Variants in PFKM observed in about 807,000 individuals in gnomAD.
PFKM encodes the protein phosphofructokinase, muscle.
PFKM carries 58 observed loss-of-function variants against 95.5 expected under a neutral mutation model. The observed-to-expected ratio is 0.61, with a 90% CI of 0.49 to 0.76. The LOEUF is 0.76. PFKM is among the 30% of genes least tolerant of loss of function. The pLI is 0.00. For missense variants in PFKM, 678 were observed against 1,005.4 expected, an observed-to-expected ratio of 0.67 and a Z score of 4.40; for synonymous variants, 336 against 357.2, an observed-to-expected ratio of 0.94 and a Z score of 0.67.
intron 13 of PFKM, among the ~76,000 whole-genome samples, chr12:48,140,458 T>C (rs1317366670): frequency 6.6e-6 from 1 of 152,236 alleles, no homozygotes; most frequent in Non-Finnish European, 1.5e-5. Flanking sequence ...CTGGAAGGTC[T>C]CTCATTCATT....
intron 2 of PFKM, among the ~76,000 whole-genome samples, chr12:48,126,151 G>A (rs1020733355): frequency 2.0e-5 from 3 of 151,970 alleles, no homozygotes; most frequent in Non-Finnish European, 4.4e-5. Flanking sequence ...CTTATCCTTC[G>A]TCTTGCTTCT....
intron 3 of PFKM, among the ~76,000 whole-genome samples, chr12:48,111,004 G>A (rs1947136405): frequency 6.6e-6 from 1 of 152,144 alleles, no homozygotes; most frequent in Non-Finnish European, 1.5e-5. Context: ...TAAGAGTGTG[G>A]GACAACTACT....
chr12:48,106,461 C>T, intron 1 of PFKM: 1 of 369,062 alleles, frequency 2.7e-6, no homozygotes, highest in South Asian at 3.1e-5. Context: ...AAACCTGTGG[C>T]TTCCCCCGAC....
chr12:48,145,163 A>C lies in PFKM; in HGVS notation c.2092+33A>C. On this transcript the variant is annotated intron_variant, in intron 21 of 22. Coordinates refer to ENST00000359794, the MANE Select transcript of PFKM (RefSeq NM_000289.6). This position sits in a 1 kb window ranked among gnomAD's most constrained non-coding sequence, Gnocchi z 4.3. ...GGGTGAGAGCGAGTGCCCTCTATAG[A>C]GGCTGGTTCCCCAGTATAGAAGCTG... is the stretch of plus-strand genomic sequence containing the variant. The C allele has an allele frequency of 6.2e-7, 1 of 1,610,108 alleles. No individual in the cohort carries two copies. Among genetic ancestry groups the C allele is most frequent in the African/African-American group, 1.3e-5 (1 of 74,958 alleles).
At chr12:48,132,731 A>G (rs1949641170) in intron 4 of PFKM, 137 bp from the exon 5 acceptor site, 3 of 754,832 alleles carry the variant, frequency 4.0e-6, no homozygotes, top group African/African-American at 3.4e-5. Flanking sequence ...TTTGGAAGGG[A>G]CAGATCACTC....
intron 3 of PFKM, 109 bp downstream of exon 3, chr12:48,130,545 T>C: frequency 1.2e-6 from 1 of 867,620 alleles, no homozygotes. Flanking sequence ...GTTACATTGC[T>C]GTGTTTGATT....
upstream of PFKM, among the ~76,000 whole-genome samples, chr12:48,117,413 G>C (rs1947768355): frequency 6.6e-6 from 1 of 152,216 alleles, no homozygotes; most frequent in Admixed American, 6.5e-5. Flanking sequence ...CTGTCAAACT[G>C]TCTTCTACAG....
chr12:48,112,878 A>G (rs1947331509), intron 3 of PFKM, among the ~76,000 whole-genome samples: 1 of 152,088 alleles, frequency 6.6e-6, no homozygotes. Context: ...GGGATGGGAT[A>G]TTGGCATTGA....
intron 3 of PFKM, among the ~76,000 whole-genome samples, chr12:48,113,213 C>A (rs1474600158): frequency 6.6e-6 from 1 of 152,130 alleles, no homozygotes; most frequent in African/African-American, 2.4e-5. Context: ...AGAAGCCTGG[C>A]TGTCAATACC....
At chr12:48,105,985 C>T (rs1402210071) in exon 1 of PFKM, 2 of 700,132 alleles carry the variant, frequency 2.9e-6, no homozygotes, top group African/African-American at 1.7e-5. Flanking sequence ...GGACCAGGCT[C>T]CCTCCATCCT....
chr12:48,142,104 G>C, intron 17 of PFKM, 38 bp downstream of exon 17: 1 of 1,599,528 alleles, frequency 6.3e-7, no homozygotes, highest in South Asian at 1.1e-5. Context: ...CTTTTGGCCA[G>C]GATTATAATC....
intron 1 of PFKM, among the ~76,000 whole-genome samples, chr12:48,120,436 A>T (rs1948138672): frequency 6.6e-6 from 1 of 152,164 alleles, no homozygotes; most frequent in African/African-American, 2.4e-5. Flanking sequence ...GAGCTGTGGG[A>T]GAGTTTTTAA....
At chr12:48,106,365 G>C in intron 1 of PFKM, 1 of 478,112 alleles carries the variant, frequency 2.1e-6, no homozygotes, top group South Asian at 3.0e-5. Flanking sequence ...TCCCTTACCC[G>C]CCGCCTTCTG....
intron 2 of PFKM, among the ~76,000 whole-genome samples, chr12:48,128,202 C>T (rs1949047456): frequency 6.6e-6 from 1 of 152,186 alleles, no homozygotes; most frequent in African/African-American, 2.4e-5. Context: ...GTATAACCTT[C>T]TCTGACTTCC....
Position 48,144,091 on chromosome 12 carries a change from C to T in PFKM, c.1926C>T (p.Asn642=). ...NENYTTDFIF[N]LYSEEGKGIF... ...ACTATACCACTGACTTCATTTTCAACCTGTACTCTGAGGAGGGGAAGGGCA... is the reference window on the plus strand; with the variant it reads ...ACTATACCACTGACTTCATTTTCAATCTGTACTCTGAGGAGGGGAAGGGCA... The change falls in exon 20 of 23, where the codon AAC becomes AAT. Residue 642 remains asparagine (N), a synonymous_variant. Coordinates refer to ENST00000359794, the MANE Select transcript of PFKM (RefSeq NM_000289.6). 2.5e-6 allele frequency: 4 copies of T among 1,613,992 alleles called. No individual in the cohort carries two copies. Among genetic ancestry groups the T allele is most frequent in the African/African-American group, 1.3e-5 (1 of 75,054 alleles).
At chr12:48,141,850 T>C (rs1950601590) in intron 16 of PFKM, 23 bp downstream of exon 16, 1 of 1,613,328 alleles carries the variant, frequency 6.2e-7, no homozygotes, top group East Asian at 2.2e-5. Context: ...CACCATTTCT[T>C]CCTCTCTCCC....
At chr12:48,138,485 C>T (rs577902470) in intron 11 of PFKM, among the ~76,000 whole-genome samples, 14 of 152,234 alleles carry the variant, frequency 9.2e-5, no homozygotes, top group South Asian at 6.2e-4. Context: ...CCCCATCTCC[C>T]GGCCTCCTTC....
chr12:48,143,161 G>A (rs144350349), intron 18 of PFKM, among the ~76,000 whole-genome samples: 109 of 152,322 alleles, frequency 7.2e-4, no homozygotes, highest in African/African-American at 2.5e-3. Flanking sequence ...TGAGTCAGGC[G>A]ACCTGGTGCT....
At chr12:48,122,529 A>G in intron 1 of PFKM, 1 of 1,320,214 alleles carries the variant, frequency 7.6e-7, no homozygotes, top group South Asian at 1.7e-5. Flanking sequence ...GGGAGGGATC[A>G]GGGAGGAATT....
Sources: allele counts gnomAD v4.1 joint callset (sites outside exome capture counted in the v4.1 genomes callset), GRCh38; gene constraint gnomAD v4.1.1; non-coding constraint Gnocchi (gnomAD v3.1); transcripts MANE v1.5; gene names NCBI Gene and HGNC (gene_info 2026-07-23, HGNC 2026-07-21).